ITSN2: variants seen among roughly 807,000 people sequenced by gnomAD.
The protein encoded by ITSN2 is intersectin 2, also known as intersectin-2.
ITSN2 carries 156 observed loss-of-function variants against 243.7 expected under a neutral mutation model. The observed-to-expected ratio is 0.64, with a 90% CI of 0.56 to 0.73. ITSN2 has a LOEUF of 0.73. Ranked by LOEUF, ITSN2 falls within the 30% of genes least tolerant of loss-of-function variation. The pLI, the probability that ITSN2 is intolerant of heterozygous loss-of-function variation, is 0.00. For synonymous variants in ITSN2, 703 were observed against 699.9 expected, an observed-to-expected ratio of 1.00 and a Z score of -0.07; for missense variants, 1,801 against 1,996.1, an observed-to-expected ratio of 0.90 and a Z score of 1.86.
chr2:24,321,278 A>G (rs754516687), intron 2 of ITSN2, among the ~76,000 whole-genome samples: 1 of 152,174 alleles, frequency 6.6e-6, no homozygotes, highest in Non-Finnish European at 1.5e-5. Context: ...TACCTTTACA[A>G]TTTATTCCAT....
At chr2:24,230,840 A>C (rs1478398386) in intron 29 of ITSN2, among the ~76,000 whole-genome samples, 1 of 152,156 alleles carries the variant, frequency 6.6e-6, no homozygotes, top group African/African-American at 2.4e-5. Context: ...CAAAAGCCAA[A>C]GTTTATAAAT....
At chr2:24,216,855 G>A (rs1670001044) in intron 31 of ITSN2, among the ~76,000 whole-genome samples, 1 of 152,202 alleles carries the variant, frequency 6.6e-6, no homozygotes, top group Non-Finnish European at 1.5e-5. Context: ...AGAGGCTGAG[G>A]TGGGTGGATC....
intron 4 of ITSN2, among the ~76,000 whole-genome samples, chr2:24,313,150 C>CAA (rs2151752516): frequency 6.9e-6 from 1 of 144,968 alleles, no homozygotes; most frequent in East Asian, 2.1e-4. Flanking sequence ...GTGACACAAT[C>CAA]ATAGTTCACT....
At chr2:24,356,313 T>C (rs1688438904) in intron 1 of ITSN2, among the ~76,000 whole-genome samples, 1 of 136,916 alleles carries the variant, frequency 7.3e-6, no homozygotes, top group African/African-American at 2.8e-5. Context: ...ACCACGGCAC[T>C]CCAGCCTGGG....
In ITSN2 at chr2:24,251,367, G is replaced by GTATATATATATGTGTGTGTATATATA. The variant is rs1439540941; in HGVS notation, c.3120+977_3120+978insTATATATACACACACATATATATATA. On this transcript the variant is annotated intron_variant, in intron 25 of 39. Coordinates refer to ENST00000355123, the MANE Select transcript of ITSN2 (RefSeq NM_006277.3). ...TATATATGTGTGTGTGTGTGTGTGT[G>GTATATATATATGTGTGTGTATATATA]TGTGTATATATGTATGTGTATATAT... Among the ~76,000 whole-genome samples the GTATATATATATGTGTGTGTATATATA allele has an allele frequency of 3.3e-4, 2 of 6,140 alleles. 1 individual carries two copies. Among genetic ancestry groups the GTATATATATATGTGTGTGTATATATA allele is most frequent in the African/African-American group, 8.6e-4 (2 of 2,330 alleles). The allele number at this position is 6,140 out of a possible 152,430, so 4.0% of individuals were successfully genotyped here. A position where few individuals can be genotyped will look rare whatever the true frequency, so the allele number is the denominator to read the frequency against.
intron 31 of ITSN2, among the ~76,000 whole-genome samples, chr2:24,217,610 C>A (rs1033903300): frequency 6.6e-6 from 1 of 152,218 alleles, no homozygotes; most frequent in Admixed American, 6.5e-5. Flanking sequence ...TCCTCTGACT[C>A]TTCTGCCCTG....
intron 1 of ITSN2, chr2:24,330,644 G>GAAC (rs1685677504): frequency 2.7e-6 from 2 of 739,508 alleles, no homozygotes; most frequent in Admixed American, 3.5e-5. Flanking sequence ...ACGGGGCACA[G>GAAC]AAAGCTGAAA....
chr2:24,286,682 G>A (rs1053979074), intron 15 of ITSN2, among the ~76,000 whole-genome samples: 11 of 152,094 alleles, frequency 7.2e-5, no homozygotes, highest in Admixed American at 3.3e-4. Context: ...CATTAAATGA[G>A]GTGATGGATA....
chr2:24,287,712 T>C (rs1033302762), intron 15 of ITSN2, among the ~76,000 whole-genome samples: 1 of 152,114 alleles, frequency 6.6e-6, no homozygotes, highest in African/African-American at 2.4e-5. Context: ...TTATCTCTGA[T>C]CTTTTTGATA....
At chr2:24,221,955 A>G (rs1055580360) in intron 29 of ITSN2, among the ~76,000 whole-genome samples, 1 of 152,250 alleles carries the variant, frequency 6.6e-6, no homozygotes, top group Non-Finnish European at 1.5e-5. Flanking sequence ...TTAGAAAAAA[A>G]AGCAAAAGCA....
Position 24,275,720 on chromosome 2 carries a change from C to G in ITSN2, c.2074G>C (p.Ala692Pro). The change falls in exon 18 of 40, where the codon GCT (alanine) becomes CCT (proline). Residue 692 changes from alanine to proline, a missense_variant. Physicochemically the swap from Ala to Pro is conservative, Grantham distance 27 (BLOSUM62 -1). This residue lies in a region of ITSN2 where 787 missense variants were observed against 803.9 expected (regional missense o/e 0.98). Transcript: ENST00000355123. ...LMQKKKLEDEAARKAKQGKEN... is the reference protein window; with the variant it reads ...LMQKKKLEDEPARKAKQGKEN... The stretch of plus-strand genomic sequence containing the variant: ...ATATATCAGCTATATTACCTTGCAG[C>G]CTCATCTTCTAGTTTCTTTTTCTGC... The G allele has an allele frequency of 6.2e-7, 1 of 1,607,380 alleles. No individual in the cohort carries two copies. Among genetic ancestry groups the G allele is most frequent in the Non-Finnish European group, 8.5e-7 (1 of 1,175,528 alleles).
chr2:24,284,740 GAAGC>G lies in ITSN2; in HGVS notation c.1944+19_1944+22del. The G allele has an allele frequency of 7.2e-7, 1 of 1,394,594 alleles. No individual in the cohort carries two copies. Among genetic ancestry groups the G allele is most frequent in the Non-Finnish European group, 1.0e-6 (1 of 987,934 alleles). The allele number at this position is 1,394,594 out of a possible 1,614,324, so 86.4% of individuals were successfully genotyped here. A position where few individuals can be genotyped will look rare whatever the true frequency, so the allele number is the denominator to read the frequency against. On this transcript the variant is annotated intron_variant, in intron 17 of 39. Coordinates refer to ENST00000355123, the MANE Select transcript of ITSN2 (RefSeq NM_006277.3). ...AAACAGCAAAGTAACTCAAAGAAAA[GAAGC>G]TAGATATTAGAAAATAACCTTAAGT... is the stretch of plus-strand genomic sequence containing the variant.
rs1303235539 is a variant in ITSN2, at chr2:24,249,117, C to A, written c.3121-235G>T. ...ATATACGAGTGGCTGTCATCGTCAA[C>A]CATTGACTCAACAGGAAGAGCTCGT... On this transcript the variant is annotated intron_variant, in intron 25 of 39. Transcript: ENST00000355123. This position sits in a 1 kb window ranked among gnomAD's most constrained non-coding sequence, Gnocchi z 4.4. 6.6e-6 allele frequency among the ~76,000 whole-genome samples: 1 copy of A among 152,110 alleles called. No individual in the cohort carries two copies. The highest frequency in any genetic ancestry group is 1.5e-5 in the Non-Finnish European group (1 of 68,020).
Position 24,252,367 on chromosome 2 carries a change from T to C in ITSN2, c.3098A>G (p.Tyr1033Cys), listed in dbSNP as rs770391864. 1.9e-6 allele frequency: 3 copies of C among 1,612,434 alleles called. No individual in the cohort carries two copies. Among genetic ancestry groups the C allele is most frequent in the Non-Finnish European group, 2.5e-6 (3 of 1,178,690 alleles). The part of the protein sequence containing the change: ...GDRSGIFPSN[Y>C]VKPKDQESFG... ...TACCTCTTGATCCTTTGGTTTGACATAGTTTGATGGAAAAATTCCACTTCT... is the reference window on the plus strand; with the variant it reads ...TACCTCTTGATCCTTTGGTTTGACACAGTTTGATGGAAAAATTCCACTTCT... Residue 1033 changes from tyrosine to cysteine, a missense_variant, in exon 25 of 40, where the codon TAT (tyrosine) becomes TGT (cysteine). By Grantham distance (194) the Tyr-to-Cys change is radical. Around this residue, in one of 5 missense-constraint regions of ITSN2, gnomAD observed 928 missense variants for 1,065.4 expected, o/e 0.87. Coordinates refer to ENST00000355123, the MANE Select transcript of ITSN2 (RefSeq NM_006277.3).
At chr2:24,332,808 T>C (rs536354588) in intron 1 of ITSN2, among the ~76,000 whole-genome samples, 2 of 152,350 alleles carry the variant, frequency 1.3e-5, no homozygotes, top group East Asian at 3.9e-4. Flanking sequence ...AACTTTGTTT[T>C]ACATTTTTCA....
intron 29 of ITSN2, among the ~76,000 whole-genome samples, chr2:24,238,390 T>C (rs1672386788): frequency 6.6e-6 from 1 of 152,212 alleles, no homozygotes; most frequent in African/African-American, 2.4e-5. Context: ...AGAGGTTGTT[T>C]GTGCTAGATG....
intron 29 of ITSN2, among the ~76,000 whole-genome samples, chr2:24,231,954 CA>C (rs1204993730): frequency 6.6e-6 from 1 of 152,180 alleles, no homozygotes; most frequent in African/African-American, 2.4e-5. Flanking sequence ...GAATAAACTG[CA>C]TTTTCTGAAG....
In ITSN2 at chr2:24,209,047, C is replaced by T. The variant is rs200834554; in HGVS notation, c.4595+53G>A. The T allele has an allele frequency of 3.6e-4, 578 of 1,595,836 alleles. 5 individuals carry two copies. Among genetic ancestry groups the T allele is most frequent in the Admixed American group, 6.4e-4 (38 of 59,720 alleles). On this transcript the variant is annotated intron_variant, in intron 36 of 39. Coordinates refer to ENST00000355123, the MANE Select transcript of ITSN2 (RefSeq NM_006277.3). ...GAGATGGGTTTATGGCAGAGGGAGA[C>T]GTCCAGGCCTTCTCCCAGAGTTCAA... is the stretch of plus-strand genomic sequence containing the variant.
intron 20 of ITSN2, 23 bp downstream of exon 20, chr2:24,270,648 T>TTA: frequency 8.8e-7 from 1 of 1,133,840 alleles, no homozygotes; most frequent in Non-Finnish European, 1.3e-6. Context: ...TATTCATGAT[T>TTA]AAAAAAAAAA....
Sources: gnomAD v4.1 joint callset for allele counts (sites outside exome capture counted in the v4.1 genomes callset) on GRCh38, gnomAD v4.1.1 for gene constraint, gnomAD v4.1.1 regional missense constraint, Gnocchi (gnomAD v3.1) non-coding constraint, MANE v1.5 for transcripts, NCBI Gene and HGNC (gene_info 2026-07-23, HGNC 2026-07-21) for gene names.